The following SPAG16 variants were observed in gnomAD, a reference collection of about 807,000 sequenced individuals.
SPAG16 encodes the protein sperm-associated antigen 16 protein.
In SPAG16, 86 loss-of-function variants were observed where a neutral mutation model predicts 80.4. The ratio of observed to expected loss-of-function variants is 1.07; its 90% CI spans 0.90 to 1.28. The LOEUF (loss-of-function observed/expected upper bound fraction) is 1.28. Ranked by LOEUF, SPAG16 falls within the 50% of genes most tolerant of loss-of-function variation. The pLI is 0.00. For missense variants in SPAG16, 870 were observed against 765.3 expected (o/e 1.14, Z -1.61); for synonymous variants, 294 against 265.9 (o/e 1.11, Z -1.03).
chr2:213,668,342 A>T (rs570310157), intron 10 of SPAG16, among the ~76,000 whole-genome samples: 9 of 151,338 alleles, frequency 5.9e-5, no homozygotes, highest in Non-Finnish European at 1.3e-4. Flanking sequence ...TACATAGACT[A>T]TTGGTCTTAG....
intron 13 of SPAG16, among the ~76,000 whole-genome samples, chr2:214,042,614 A>G (rs537625491): frequency 3.9e-5 from 6 of 152,312 alleles, no homozygotes; most frequent in South Asian, 4.1e-4. Flanking sequence ...AGATAGTTCA[A>G]TGTTTCCTAA....
At chr2:213,944,761 T>G (rs1457453771) in intron 12 of SPAG16, among the ~76,000 whole-genome samples, 5 of 152,098 alleles carry the variant, frequency 3.3e-5, no homozygotes, top group Non-Finnish European at 5.9e-5. Context: ...TGTGATAGTA[T>G]TTGAAGGTGG....
chr2:214,019,277 G>C (rs990411628), intron 13 of SPAG16, among the ~76,000 whole-genome samples: 6 of 105,496 alleles, frequency 5.7e-5, no homozygotes, highest in African/African-American at 1.2e-4. Flanking sequence ...AAATATTAAG[G>C]CTTTTTTTTT....
intron 7 of SPAG16, among the ~76,000 whole-genome samples, chr2:213,355,927 A>T (rs146896212): frequency 0.039 from 5,933 of 152,198 alleles, 372 homozygotes; most frequent in African/African-American, 0.13. Flanking sequence ...GTGGTGAGAG[A>T]GGGCATCGTT....
intron 11 of SPAG16, among the ~76,000 whole-genome samples, chr2:213,913,766 T>C (rs763343763): frequency 2.6e-5 from 4 of 152,050 alleles, no homozygotes; most frequent in South Asian, 2.1e-4. Context: ...GAACAGACTC[T>C]CTTTGGCTCA....
chr2:213,660,755 T>G (rs1007931630), intron 10 of SPAG16, among the ~76,000 whole-genome samples: 1 of 152,198 alleles, frequency 6.6e-6, no homozygotes, highest in Non-Finnish European at 1.5e-5. Flanking sequence ...CATCTTAAAC[T>G]AGAAGAACAT....
At chr2:213,593,208 T>G (rs1574422176) in intron 10 of SPAG16, among the ~76,000 whole-genome samples, 1 of 152,170 alleles carries the variant, frequency 6.6e-6, no homozygotes, top group Non-Finnish European at 1.5e-5. Context: ...TTCAATATGC[T>G]TCTTGATATT....
intron 15 of SPAG16, among the ~76,000 whole-genome samples, chr2:214,187,823 GA>G (rs920957555): frequency 5.3e-4 from 79 of 148,720 alleles, no homozygotes; most frequent in African/African-American, 1.6e-3. Context: ...AAATGAGGAA[GA>G]AAAAAAAATG....
intron 9 of SPAG16, among the ~76,000 whole-genome samples, chr2:213,417,117 C>T (rs1205064036): frequency 6.6e-6 from 1 of 152,170 alleles, no homozygotes; most frequent in African/African-American, 2.4e-5. Flanking sequence ...TTATCAAAGG[C>T]ATGATCTTGG....
intron 10 of SPAG16, among the ~76,000 whole-genome samples, chr2:213,577,334 A>G (rs943682054): frequency 6.6e-6 from 1 of 152,144 alleles, no homozygotes; most frequent in Non-Finnish European, 1.5e-5. Context: ...TTGAGTTCAA[A>G]TTGGACCTTG....
At chr2:214,232,214 A>T (rs1688747631) in intron 15 of SPAG16, among the ~76,000 whole-genome samples, 1 of 151,976 alleles carries the variant, frequency 6.6e-6, no homozygotes, top group African/African-American at 2.4e-5. Flanking sequence ...GATGCTATTT[A>T]TTCTTTTTTC....
chr2:213,427,998 A>G (rs1273027407), intron 9 of SPAG16, among the ~76,000 whole-genome samples: 1 of 152,234 alleles, frequency 6.6e-6, no homozygotes, highest in Non-Finnish European at 1.5e-5. Context: ...TATGTAGTTA[A>G]ACACATCATC....
At chr2:213,530,881 G>A (rs1408822727) in intron 10 of SPAG16, among the ~76,000 whole-genome samples, 2 of 151,772 alleles carry the variant, frequency 1.3e-5, no homozygotes, top group Non-Finnish European at 2.9e-5. Flanking sequence ...CCAATCATGT[G>A]TTTGTATATT....
intron 10 of SPAG16, among the ~76,000 whole-genome samples, chr2:213,626,915 T>C (rs1315795948): frequency 6.6e-6 from 1 of 152,150 alleles, no homozygotes; most frequent in Non-Finnish European, 1.5e-5. Flanking sequence ...CCCAAAGTGC[T>C]GGTATTACAG....
chr2:213,640,948 C>T (rs1484101045), intron 10 of SPAG16, among the ~76,000 whole-genome samples: 2 of 152,102 alleles, frequency 1.3e-5, no homozygotes, highest in Non-Finnish European at 2.9e-5. Flanking sequence ...GCCCTGAGGC[C>T]ACCAGGATAA....
At chr2:213,470,681 C>G (rs2073029380) in intron 9 of SPAG16, among the ~76,000 whole-genome samples, 5 of 152,208 alleles carry the variant, frequency 3.3e-5, no homozygotes. Context: ...CCAATCCTCC[C>G]ATCATGGCCA....
chr2:213,674,310 A>AT (rs1049646285), intron 10 of SPAG16, among the ~76,000 whole-genome samples: 24 of 149,378 alleles, frequency 1.6e-4, no homozygotes, highest in Admixed American at 6.0e-4. Flanking sequence ...ATAAGATGTG[A>AT]TTTTTTTTCT....
intron 10 of SPAG16, among the ~76,000 whole-genome samples, chr2:213,721,859 A>C (rs1354464648): frequency 6.6e-6 from 1 of 152,234 alleles, no homozygotes; most frequent in Non-Finnish European, 1.5e-5. Context: ...CTGGGAGCAA[A>C]AAGAATCAAA....
intron 9 of SPAG16, among the ~76,000 whole-genome samples, chr2:213,398,984 A>G (rs1177918446): frequency 6.6e-6 from 1 of 152,214 alleles, no homozygotes; most frequent in African/African-American, 2.4e-5. Context: ...TTGATCAGAA[A>G]TAGAGTGTTT....
Sources: allele counts gnomAD v4.1 joint callset (sites outside exome capture counted in the v4.1 genomes callset), GRCh38; gene constraint gnomAD v4.1.1; transcripts MANE v1.5; gene names NCBI Gene and HGNC (gene_info 2026-07-23, HGNC 2026-07-21).